The following GNG7 variants were observed in gnomAD, a reference collection of about 807,000 sequenced individuals.
GNG7 encodes the protein guanine nucleotide-binding protein G(I)/G(S)/G(O) subunit gamma-7.
In GNG7, 1 loss-of-function variant was observed where a neutral mutation model predicts 4.0. The observed-to-expected ratio is 0.25, with a 90% CI of 0.09 to 1.18. GNG7 has a LOEUF of 1.18. Among genes scored for constraint, GNG7 ranks in the 50% most tolerant of loss-of-function variants. The probability of loss-of-function intolerance (pLI) is 0.50; values close to 1 mark genes in which losing one functional copy is unlikely to be tolerated. For synonymous variants in GNG7, 34 were observed against 36.9 expected, an observed-to-expected ratio of 0.92 and a Z score of 0.29; for missense variants, 86 against 91.9, an observed-to-expected ratio of 0.94 and a Z score of 0.26.
chr19:2,656,265 G>A (rs1982970840), intron 1 of GNG7, among the ~76,000 whole-genome samples: 1 of 152,262 alleles, frequency 6.6e-6, no homozygotes, highest in East Asian at 1.9e-4. Flanking sequence ...CACAATAGCC[G>A]AGATAGGAAA....
chr19:2,539,495 G>C (rs1978874156), intron 3 of GNG7, among the ~76,000 whole-genome samples: 1 of 151,914 alleles, frequency 6.6e-6, no homozygotes, highest in Admixed American at 6.6e-5. Context: ...AGTAGAGACG[G>C]GGTTTCACCA....
intron 1 of GNG7, among the ~76,000 whole-genome samples, chr19:2,673,337 C>T (rs1450788302): frequency 1.3e-5 from 2 of 151,212 alleles, no homozygotes; most frequent in African/African-American, 2.4e-5. Flanking sequence ...GAGAAGTGTC[C>T]CAGCAGAGTG....
chr19:2,528,269 T>TA (rs59084924), intron 3 of GNG7, among the ~76,000 whole-genome samples: 38,412 of 78,606 alleles, frequency 0.49, 8,957 homozygotes, highest in African/African-American at 0.56. Flanking sequence ...AGACCCTGTC[T>TA]AAAAAAAAAA....
intron 1 of GNG7, among the ~76,000 whole-genome samples, chr19:2,695,801 G>A (rs1394789343): frequency 1.3e-5 from 2 of 152,192 alleles, no homozygotes; most frequent in South Asian, 2.1e-4. Context: ...TCGTCACCTC[G>A]GAGTCTCCCG....
chr19:2,515,238 G>A, intron 4 of GNG7, 91 bp from the exon 5 acceptor site: 1 of 1,538,098 alleles, frequency 6.5e-7, no homozygotes, highest in Non-Finnish European at 8.8e-7. Context: ...AGAGCCACAG[G>A]CGGAAACAGC....
chr19:2,610,207 C>T (rs1178769310), intron 2 of GNG7: 1 of 151,836 alleles, frequency 6.6e-6, no homozygotes, highest in Non-Finnish European at 1.5e-5. Context: ...GTCGCCCAGA[C>T]TGGAGTGCAG....
At chr19:2,659,592 TAAAAAAA>T (rs879035849) in intron 1 of GNG7, among the ~76,000 whole-genome samples, 1 of 43,474 alleles carries the variant, frequency 2.3e-5, no homozygotes, top group Non-Finnish European at 3.9e-5. Context: ...GACTCCATCT[TAAAAAAA>T]AAAAAAAAAA....
At chr19:2,521,853 A>T (rs979026352) in intron 3 of GNG7, among the ~76,000 whole-genome samples, 39 of 151,914 alleles carry the variant, frequency 2.6e-4, no homozygotes, top group Admixed American at 2.6e-3. Context: ...ACCTCAGGTG[A>T]TCCACCCTCC....
chr19:2,654,484 C>A (rs980431935), intron 1 of GNG7, among the ~76,000 whole-genome samples: 10 of 151,632 alleles, frequency 6.6e-5, no homozygotes, highest in Admixed American at 2.0e-4. Flanking sequence ...TGTCCCCAGA[C>A]ATTGCCTGAT....
chr19:2,610,012 C>T (rs921540294), intron 2 of GNG7: 1 of 152,076 alleles, frequency 6.6e-6, no homozygotes, highest in African/African-American at 2.4e-5. Context: ...TAGAGGGCCC[C>T]CTCCCTCCCC....
rs895887826 is a variant in GNG7, at chr19:2,645,687, C to T, written c.-78+537G>A. Among the ~76,000 whole-genome samples the T allele has an allele frequency of 3.5e-4, 53 of 152,290 alleles. 1 individual carries two copies. Among genetic ancestry groups the T allele is most frequent in the African/African-American group, 1.2e-3 (50 of 41,576 alleles). ...TCATGTCCCCAGCCTCCAATCACCACGAGTCCCTTTCTGTCCCTATGGCTT... is the reference window on the plus strand; with the variant it reads ...TCATGTCCCCAGCCTCCAATCACCATGAGTCCCTTTCTGTCCCTATGGCTT... On this transcript the variant is annotated intron_variant, in intron 2 of 4. Coordinates refer to ENST00000382159, the MANE Select transcript of GNG7 (RefSeq NM_052847.3).
chr19:2,589,559 G>A (rs866603693), intron 2 of GNG7, among the ~76,000 whole-genome samples: 83 of 151,678 alleles, frequency 5.5e-4, no homozygotes, highest in African/African-American at 1.4e-3. Flanking sequence ...AGTCTTCCAC[G>A]TGTCTCTGGA....
chr19:2,613,788 A>G (rs997457524), intron 2 of GNG7, among the ~76,000 whole-genome samples: 9 of 151,702 alleles, frequency 5.9e-5, no homozygotes, highest in Admixed American at 4.6e-4. Context: ...GGATGGCCAG[A>G]CCCCAGAGGA....
At chr19:2,682,847 A>G (rs1056949376) in intron 1 of GNG7, among the ~76,000 whole-genome samples, 5 of 151,862 alleles carry the variant, frequency 3.3e-5, no homozygotes, top group African/African-American at 1.2e-4. Context: ...GTGAGGGGCA[A>G]TCGGAAACCT....
rs550899211 is a variant in GNG7, at chr19:2,546,331, G to A, written c.-38+8818C>T. On this transcript the variant is annotated intron_variant, in intron 3 of 4. Transcript: ENST00000382159. The surrounding 1 kb of genome is among the most constrained non-coding windows in gnomAD (Gnocchi z 6.3). ...CCTGCAGCCTCTCCAGGGCCAGGTC[G>A]CCCAGCAGGGCCTGGGAGGGCGGCT... 3.5e-4 allele frequency among the ~76,000 whole-genome samples: 54 copies of A among 152,348 alleles called. No homozygotes were observed. Among genetic ancestry groups the A allele is most frequent in the African/African-American group, 1.2e-3 (49 of 41,584 alleles).
intron 1 of GNG7, among the ~76,000 whole-genome samples, chr19:2,679,449 G>A (rs12610608): frequency 0.27 from 40,586 of 151,712 alleles, 5,822 homozygotes; most frequent in East Asian, 0.55. Context: ...TCACAGCCTC[G>A]TAGTCCATCC....
intron 2 of GNG7, among the ~76,000 whole-genome samples, chr19:2,623,328 A>C (rs1181929791): frequency 1.3e-5 from 2 of 151,272 alleles, no homozygotes; most frequent in Non-Finnish European, 3.0e-5. Context: ...TCAAGAAAAC[A>C]AATAAACAAG....
At chr19:2,539,852 G>GCCTCCCTCCCTTCCTC (rs140559201) in intron 3 of GNG7, among the ~76,000 whole-genome samples, 36,699 of 146,194 alleles carry the variant, frequency 0.25, 4,960 homozygotes, top group East Asian at 0.59. Context: ...TCTCCTTCCT[G>GCCTCCCTCCCTTCCTC]CCTCCCTCCC....
At chr19:2,594,303 G>A (rs956535489) in intron 2 of GNG7, among the ~76,000 whole-genome samples, 3 of 151,814 alleles carry the variant, frequency 2.0e-5, no homozygotes, top group Non-Finnish European at 4.4e-5. Flanking sequence ...AACCTGGGAG[G>A]TAGAGGTTGC....
Sources: gnomAD v4.1 joint callset for allele counts (sites outside exome capture counted in the v4.1 genomes callset) on GRCh38, gnomAD v4.1.1 for gene constraint, Gnocchi (gnomAD v3.1) non-coding constraint, MANE v1.5 for transcripts, NCBI Gene and HGNC (gene_info 2026-07-23, HGNC 2026-07-21) for gene names.